Variants in LYVE1 observed in about 807,000 individuals in gnomAD.
LYVE1 encodes the protein lymphatic vessel endothelial hyaluronic acid receptor 1.
LYVE1 carries 29 observed loss-of-function variants against 31.5 expected under a neutral mutation model. The ratio of observed to expected loss-of-function variants is 0.92; its 90% CI spans 0.69 to 1.26. LYVE1 has a LOEUF of 1.26. LYVE1 is among the 50% of genes most tolerant of loss of function. LYVE1 has a pLI of 0.00. For synonymous variants in LYVE1, 134 were observed against 139.4 expected (o/e 0.96, Z 0.27); for missense variants, 376 against 380.2 (o/e 0.99, Z 0.09).
At chr11:10,562,108 A>T (rs1669103489) in intron 3 of LYVE1, among the ~76,000 whole-genome samples, 1 of 152,254 alleles carries the variant, frequency 6.6e-6, no homozygotes, top group Admixed American at 6.5e-5. Context: ...GTTTAGTCAG[A>T]GGGCTGGGTA....
Position 10,560,761 on chromosome 11 carries a change from G to C in LYVE1, c.437C>G (p.Thr146Ser), listed in dbSNP as rs745336503. Residue 146 changes from threonine to serine, a missense_variant, in exon 4 of 6, where the codon ACC (threonine) becomes AGC (serine). By Grantham distance (58) the Thr-to-Ser change is moderately conservative. Coordinates refer to ENST00000256178, the MANE Select transcript of LYVE1 (RefSeq NM_006691.4). The part of the protein sequence containing the change: ...TNSCIPEIIT[T>S]KDPIFNTQTA... ...TTGAGTGTTGAATATGGGATCTTTG[G>C]TGGTGATAATTTCTGGAATGCACGA... 6 of 1,613,212 alleles carry C rather than the reference G, an allele frequency of 3.7e-6. No individual in the cohort carries two copies. The South Asian group carries it at 6.6e-5, about 18-fold the overall frequency.
rs1307671933 is a variant in LYVE1, at chr11:10,558,846, ATAT to A, written c.*262_*264del. ...TGCAAAACTCCTTTCTCCCAGTGGGATATTATTAGGACATAGCCAGGCTAGAAA... is the reference window on the plus strand; with the variant it reads ...TGCAAAACTCCTTTCTCCCAGTGGGATATTAGGACATAGCCAGGCTAGAAA... On this transcript the variant is annotated 3_prime_UTR_variant, in exon 6 of 6. Transcript: ENST00000256178. 2.0e-5 allele frequency: 8 copies of A among 392,310 alleles called. No individual in the cohort carries two copies. The highest frequency in any genetic ancestry group is 3.6e-5 in the Non-Finnish European group (8 of 221,392). 24.3% of individuals were successfully genotyped at this position (392,310 alleles called of 1,614,324 possible). A position where few individuals can be genotyped will look rare whatever the true frequency, so the allele number is the denominator to read the frequency against.
At position 10,560,764 on chromosome 11, in the gene LYVE1, G is replaced by T; in HGVS notation, c.434C>A (p.Thr145Asn). The change falls in exon 4 of 6, where the codon ACC becomes AAC. Residue 145 changes from threonine to asparagine, a missense_variant. Thr to Asn is a moderately conservative substitution (Grantham distance 65). Coordinates refer to ENST00000256178, the MANE Select transcript of LYVE1 (RefSeq NM_006691.4). ...AGTGTTGAATATGGGATCTTTGGTG[G>T]TGATAATTTCTGGAATGCACGAGTT... Reference protein sequence around the residue: ...WTNSCIPEIITTKDPIFNTQT... With the variant: ...WTNSCIPEIINTKDPIFNTQT... 6.2e-7 allele frequency: 1 copy of T among 1,613,008 alleles called. No individual in the cohort carries two copies. Among genetic ancestry groups the T allele is most frequent in the South Asian group, 1.1e-5 (1 of 91,062 alleles).
At position 10,568,621 on chromosome 11, in the gene LYVE1, A is replaced by G; in HGVS notation, c.-89T>C. The G allele has an allele frequency of 6.7e-7, 1 of 1,500,630 alleles. No homozygotes were observed. Among genetic ancestry groups the G allele is most frequent in the Non-Finnish European group, 8.9e-7 (1 of 1,118,852 alleles). The allele number at this position is 1,500,630 out of a possible 1,614,324, so 93.0% of individuals were successfully genotyped here. A position where few individuals can be genotyped will look rare whatever the true frequency, so the allele number is the denominator to read the frequency against. Reference sequence around the variant, plus strand: ...TGCTCAATAACTAGTCCGGATGGAGAGTTCTGGAACTATGTTGAGGCTCAC... The same window carrying G: ...TGCTCAATAACTAGTCCGGATGGAGGGTTCTGGAACTATGTTGAGGCTCAC... On this transcript the variant is annotated 5_prime_UTR_variant, in exon 1 of 6. Coordinates refer to ENST00000256178, the MANE Select transcript of LYVE1 (RefSeq NM_006691.4).
At chr11:10,565,352 T>G (rs1342389434) in intron 1 of LYVE1, among the ~76,000 whole-genome samples, 1 of 152,366 alleles carries the variant, frequency 6.6e-6, no homozygotes, top group African/African-American at 2.4e-5. Flanking sequence ...CCCTTTTCTC[T>G]GGGTTCTGGG....
In LYVE1 at chr11:10,559,878, C is replaced by A; in HGVS notation, c.720G>T (p.Leu240=). Residue 240 remains leucine (L), a synonymous_variant, in exon 5 of 6, where the codon CTG becomes CTT. Transcript: ENST00000256178. The stretch of plus-strand genomic sequence containing the variant: ...CAAAGAAGAGGAGAGCAAGCACTAG[C>A]AGAGCCGTGGGGACACCTGCAAGGA... ...AAGFGGVPTA[L]LVLALLFFGA... is the part of the protein sequence containing the mutation. 1.2e-6 allele frequency: 2 copies of A among 1,613,864 alleles called. No individual in the cohort carries two copies. Among genetic ancestry groups the A allele is most frequent in the African/African-American group, 1.3e-5 (1 of 75,052 alleles).
At chr11:10,565,831 A>C (rs1176503128) in intron 1 of LYVE1, among the ~76,000 whole-genome samples, 9 of 150,050 alleles carry the variant, frequency 6.0e-5, no homozygotes, top group Non-Finnish European at 1.3e-4. Context: ...TTTTTTTGAG[A>C]CGGAGTTTCA....
rs1850589098 is a variant in LYVE1, at chr11:10,568,556, G to C, written c.-24C>G. The C allele has an allele frequency of 1.9e-6, 3 of 1,609,210 alleles. No individual in the cohort carries two copies. The highest frequency in any genetic ancestry group is 1.7e-5 in the Admixed American group (1 of 59,444). ...ATCGTGCCTACCCCTTCAGAGCCAGGGAAACACCTCAGATGGCCACTGGTG... is the reference window on the plus strand; with the variant it reads ...ATCGTGCCTACCCCTTCAGAGCCAGCGAAACACCTCAGATGGCCACTGGTG... On this transcript the variant is annotated 5_prime_UTR_variant, in exon 1 of 6. Transcript: ENST00000256178.
At position 10,558,648 on chromosome 11, in the gene LYVE1, T is replaced by G. The variant is rs1850356757; in HGVS notation, c.*463A>C. 1 of 153,546 alleles carries G rather than the reference T, an allele frequency of 6.5e-6. No homozygotes were observed. Among genetic ancestry groups the G allele is most frequent in the Admixed American group, 6.5e-5 (1 of 15,322 alleles). The allele number at this position is 153,546 out of a possible 1,614,324, so 9.5% of individuals were successfully genotyped here. A position where few individuals can be genotyped will look rare whatever the true frequency, so the allele number is the denominator to read the frequency against. On this transcript the variant is annotated 3_prime_UTR_variant, in exon 6 of 6. Transcript: ENST00000256178. ...CTCTTACCGGGCTCAGAAGGACATG[T>G]CAGGTGGGATACGTGTTTCTCTTTC...
Position 10,560,698 on chromosome 11 carries a change from C to G in LYVE1, c.500G>C (p.Ser167Thr). 1 of 1,613,644 alleles carries G rather than the reference C, an allele frequency of 6.2e-7. No individual in the cohort carries two copies. The highest frequency in any genetic ancestry group is 8.5e-7 in the Non-Finnish European group (1 of 1,179,580). ...GTAAGGGGATGCCACCGAGTAGGTA[C>G]TGTCACTGACAATAAATTCTGTTGT... ...TQTTEFIVSD[S>T]TYSVASPYST... Residue 167 changes from serine to threonine, a missense_variant, in exon 4 of 6, where the codon AGT (serine) becomes ACT (threonine). Transcript: ENST00000256178.
intron 3 of LYVE1, among the ~76,000 whole-genome samples, chr11:10,562,295 T>C (rs1166657476): frequency 1.3e-5 from 2 of 152,254 alleles, no homozygotes; most frequent in East Asian, 1.9e-4. Context: ...AGAAGCCCTA[T>C]GTTTCAGTCT....
Position 10,564,386 on chromosome 11 carries a change from TCA to T in LYVE1, c.86-14_86-13del. 1 of 1,609,696 alleles carries T rather than the reference TCA, an allele frequency of 6.2e-7. No individual in the cohort carries two copies. The highest frequency in any genetic ancestry group is 8.5e-7 in the Non-Finnish European group (1 of 1,177,406). On this transcript the variant is annotated splice_polypyrimidine_tract_variant and intron_variant, in intron 1 of 5. Coordinates refer to ENST00000256178, the MANE Select transcript of LYVE1 (RefSeq NM_006691.4). ...CTGGATGGAAAGCTCTGCAAAGGAA[TCA>T]CATAGGTCCTCAGTTTGCTGCTGTC... is the stretch of plus-strand genomic sequence containing the variant.
rs1850378640 is a variant in LYVE1 at position 10,559,695 on chromosome 11, A to G, written c.782+121T>C. ...GGGAAAGAGATGAGATGAGGGAGAA[A>G]TTTATATCAGAGGACTGCTATCTCC... On this transcript the variant is annotated intron_variant, in intron 5 of 5. Coordinates refer to ENST00000256178, the MANE Select transcript of LYVE1 (RefSeq NM_006691.4). The G allele has an allele frequency of 3.8e-6, 3 of 779,554 alleles. No homozygotes were observed. In the African/African-American group the frequency reaches 5.2e-5, roughly 14 times the overall value. The allele number at this position is 779,554 out of a possible 1,614,324, so 48.3% of individuals were successfully genotyped here.
intron 4 of LYVE1, 38 bp downstream of exon 4, chr11:10,560,457 A>G (rs573758847): frequency 1.3e-6 from 2 of 1,519,722 alleles, no homozygotes; most frequent in Admixed American, 4.0e-5. Flanking sequence ...ATACATGAAC[A>G]TACATACACA....
At chr11:10,561,800 G>C (rs1329615695) in intron 3 of LYVE1, among the ~76,000 whole-genome samples, 1 of 151,986 alleles carries the variant, frequency 6.6e-6, no homozygotes, top group Non-Finnish European at 1.5e-5. Flanking sequence ...ATTTGTGGCA[G>C]TGGGTAGCAT....
Position 10,564,023 on chromosome 11 carries a change from T to C in LYVE1, c.314A>G (p.Lys105Arg). The C allele has an allele frequency of 6.2e-7, 1 of 1,614,182 alleles. No homozygotes were observed. Among genetic ancestry groups the C allele is most frequent in the Non-Finnish European group, 8.5e-7 (1 of 1,180,022 alleles). The change falls in exon 3 of 6, where the codon AAG becomes AGG. Residue 105 changes from lysine (K) to arginine (R), a missense_variant. Transcript: ENST00000256178. ...GACACCCACCCCATTTTTCCCACAC[T>C]TGGGGTTTGGGCTAATCCTAGAGAT... ...VVISRISPNP[K>R]CGKNGVGVLI...
In LYVE1 at chr11:10,559,812, C is replaced by G. The variant is rs1305323524; in HGVS notation, c.782+4G>C. The stretch of plus-strand genomic sequence containing the variant: ...CAAGACTAGCAGTGCACCAACAACC[C>G]TACCTTTTGACATAGCAAAATCCAA... On this transcript the variant is annotated splice_donor_region_variant and intron_variant, in intron 5 of 5. Transcript: ENST00000256178. 2 of 1,613,544 alleles carry G rather than the reference C, an allele frequency of 1.2e-6. No individual in the cohort carries two copies. The highest frequency in any genetic ancestry group is 2.7e-5 in the African/African-American group (2 of 74,880).
At chr11:10,562,946 C>CTTTTTTTTTTTT (rs71034774) in intron 3 of LYVE1, among the ~76,000 whole-genome samples, 2 of 79,456 alleles carry the variant, frequency 2.5e-5, no homozygotes, top group Non-Finnish European at 4.6e-5. Flanking sequence ...AACTCGGTTT[C>CTTTTTTTTTTTT]TTTTTTTTTT....
In LYVE1 at chr11:10,563,856, G is replaced by C. The variant is rs1305731193; in HGVS notation, c.397+84C>G. 2.0e-6 allele frequency: 3 copies of C among 1,533,428 alleles called. No individual in the cohort carries two copies. In the African/African-American group the frequency reaches 4.1e-5, roughly 21 times the overall value. 95.0% of individuals were successfully genotyped at this position (1,533,428 alleles called of 1,614,324 possible). On this transcript the variant is annotated intron_variant, in intron 3 of 5. Coordinates refer to ENST00000256178, the MANE Select transcript of LYVE1 (RefSeq NM_006691.4). ...CGTGGCTGTGATTGCTTCTGCTGCTGCTCAGGGTTACTCTTCCCAGACAGG... is the reference window on the plus strand; with the variant it reads ...CGTGGCTGTGATTGCTTCTGCTGCTCCTCAGGGTTACTCTTCCCAGACAGG...
Sources: gnomAD v4.1 joint callset for allele counts (sites outside exome capture counted in the v4.1 genomes callset) on GRCh38, gnomAD v4.1.1 for gene constraint, MANE v1.5 for transcripts, NCBI Gene and HGNC (gene_info 2026-07-23, HGNC 2026-07-21) for gene names.